Variants in KCMF1 observed in about 807,000 individuals in gnomAD.
The protein encoded by KCMF1 is E3 ubiquitin-protein ligase KCMF1.
In KCMF1, 3 loss-of-function variants were observed where a neutral mutation model predicts 41.1. That is an observed-to-expected ratio of 0.07 (90% CI 0.03 to 0.19). The LOEUF (loss-of-function observed/expected upper bound fraction) is 0.19. KCMF1 is among the 10% of genes least tolerant of loss of function. KCMF1 has a pLI of 1.00. For synonymous variants in KCMF1, 142 were observed against 164.5 expected, an observed-to-expected ratio of 0.86 and a Z score of 1.04; for missense variants, 286 against 488.9, an observed-to-expected ratio of 0.58 and a Z score of 3.91.
At chr2:85,007,080 A>G (rs1415344442) in intron 1 of KCMF1, among the ~76,000 whole-genome samples, 1 of 150,510 alleles carries the variant, frequency 6.6e-6, no homozygotes, top group African/African-American at 2.5e-5. Flanking sequence ...CAGCCTGGGC[A>G]ACAAGAGCAA....
In KCMF1 at chr2:85,005,220, T is replaced by G. The variant is rs141868258; in HGVS notation, c.17-22669T>G. Among the ~76,000 whole-genome samples the G allele has an allele frequency of 2.3e-4, 35 of 151,896 alleles. No individual in the cohort carries two copies. In the East Asian group the frequency reaches 6.4e-3, roughly 28 times the overall value. On this transcript the variant is annotated intron_variant, in intron 1 of 6. Transcript: ENST00000409785. ...CCGTGCCTGGCCTAAATTTTTATTT[T>G]TAATTGACACATCATAATTATACGT...
rs544232564 is a variant in KCMF1 at position 85,010,365 on chromosome 2, T to C, written c.17-17524T>C. On this transcript the variant is annotated intron_variant, in intron 1 of 6. Transcript: ENST00000409785. ...ACACCTGTAACCCTAGCTACTTGGG[T>C]GGCTGAGGCATGAGAATTGCTTGAA... Among the ~76,000 whole-genome samples the C allele has an allele frequency of 2.2e-3, 338 of 152,208 alleles. 2 individuals carry two copies. The highest frequency in any genetic ancestry group is 7.9e-3 in the African/African-American group (327 of 41,532).
intron 1 of KCMF1, among the ~76,000 whole-genome samples, chr2:84,972,496 T>C (rs1443685614): frequency 6.6e-6 from 1 of 152,162 alleles, no homozygotes; most frequent in African/African-American, 2.4e-5. Context: ...GGATAAAAAG[T>C]GTTAAGAGTC....
chr2:85,053,388 G>A lies in KCMF1; in HGVS notation c.1125G>A (p.Glu375=). The change falls in exon 7 of 7, where the codon GAG becomes GAA. Residue 375 remains glutamate (E), a synonymous_variant. Coordinates refer to ENST00000409785, the MANE Select transcript of KCMF1 (RefSeq NM_020122.5). ...LNLKESNKGN[E]PPPPPL The stretch of plus-strand genomic sequence containing the variant: ...TAAAAGAGAGTAATAAAGGAAATGA[G>A]CCTCCACCACCTCCTCTTTGATGAC... 8.1e-6 allele frequency: 13 copies of A among 1,612,644 alleles called. No homozygotes were observed. The highest frequency in any genetic ancestry group is 1.1e-5 in the Non-Finnish European group (13 of 1,179,246).
chr2:85,049,285 G>C, intron 5 of KCMF1, 81 bp from the exon 6 acceptor site: 2 of 1,389,646 alleles, frequency 1.4e-6, no homozygotes, highest in Admixed American at 3.7e-5. Flanking sequence ...TTTTGATGTT[G>C]TTCCAGTAAA....
At chr2:84,997,139 G>A (rs1316501997) in intron 1 of KCMF1, among the ~76,000 whole-genome samples, 2 of 152,184 alleles carry the variant, frequency 1.3e-5, no homozygotes, top group African/African-American at 2.4e-5. Context: ...TATACCTAGC[G>A]TGACAACTAC....
At chr2:85,008,314 T>TATATATAATATATAATATG (rs1674539785) in intron 1 of KCMF1, among the ~76,000 whole-genome samples, 2 of 101,044 alleles carry the variant, frequency 2.0e-5, no homozygotes, top group Non-Finnish European at 3.7e-5. Context: ...TAATATGATA[T>TATATATAATATATAATATG]ATATATCATA....
intron 6 of KCMF1, among the ~76,000 whole-genome samples, chr2:85,051,209 TG>T (rs1675800245): frequency 6.6e-6 from 1 of 152,210 alleles, no homozygotes; most frequent in Non-Finnish European, 1.5e-5. Context: ...GCTGCTTTAA[TG>T]TAAGAAAACC....
intron 1 of KCMF1, among the ~76,000 whole-genome samples, chr2:84,992,183 GGTT>G (rs1674055023): frequency 6.6e-6 from 1 of 152,158 alleles, no homozygotes; most frequent in Non-Finnish European, 1.5e-5. Flanking sequence ...CTCAGAGAAT[GGTT>G]GTTATTAGAT....
rs531505479 is a variant in KCMF1, at chr2:85,004,857, T to A, written c.17-23032T>A. Among the ~76,000 whole-genome samples, 10 of 152,012 alleles carry A rather than the reference T, an allele frequency of 6.6e-5. No individual in the cohort carries two copies. In the South Asian group the frequency reaches 2.1e-3, roughly 32 times the overall value. ...TTTATTTATTTATTTATTTTTGAGATGGAGTTTCACTCTTGTCGCCCAGGC... is the reference window on the plus strand; with the variant it reads ...TTTATTTATTTATTTATTTTTGAGAAGGAGTTTCACTCTTGTCGCCCAGGC... On this transcript the variant is annotated intron_variant, in intron 1 of 6. Transcript: ENST00000409785.
intron 1 of KCMF1, among the ~76,000 whole-genome samples, chr2:84,980,638 T>C (rs1478311253): frequency 6.6e-6 from 1 of 151,942 alleles, no homozygotes; most frequent in Non-Finnish European, 1.5e-5. Context: ...ATTAGCCTCA[T>C]ATCTTTTTTT....
intron 1 of KCMF1, among the ~76,000 whole-genome samples, chr2:85,013,236 G>A (rs773179913): frequency 2.0e-5 from 3 of 152,012 alleles, no homozygotes; most frequent in Non-Finnish European, 4.4e-5. Flanking sequence ...CAAAAATTTT[G>A]GTTGCTAGAA....
intron 6 of KCMF1, among the ~76,000 whole-genome samples, chr2:85,050,244 T>TTA (rs1232776230): frequency 2.0e-5 from 3 of 152,222 alleles, no homozygotes; most frequent in East Asian, 1.9e-4. Flanking sequence ...CACTATATCA[T>TTA]TATATATATA....
At chr2:85,006,295 CTTTTT>C (rs1163405427) in intron 1 of KCMF1, among the ~76,000 whole-genome samples, 17 of 94,210 alleles carry the variant, frequency 1.8e-4, no homozygotes, top group African/African-American at 7.7e-4. Context: ...TTCTCATTTT[CTTTTT>C]TTTTTTTTTT....
At chr2:84,994,463 G>T (rs1674130039) in intron 1 of KCMF1, among the ~76,000 whole-genome samples, 1 of 151,990 alleles carries the variant, frequency 6.6e-6, no homozygotes, top group South Asian at 2.1e-4. Flanking sequence ...GAGTGCAATG[G>T]CGTGATCTCA....
chr2:85,020,816 G>T (rs559159758), intron 1 of KCMF1, among the ~76,000 whole-genome samples: 1 of 151,962 alleles, frequency 6.6e-6, no homozygotes, highest in South Asian at 2.1e-4. Context: ...CTTTGCCCAC[G>T]CTGTCCTTCA....
At chr2:85,007,018 T>C (rs926250537) in intron 1 of KCMF1, among the ~76,000 whole-genome samples, 2 of 150,924 alleles carry the variant, frequency 1.3e-5, no homozygotes, top group Non-Finnish European at 2.9e-5. Context: ...GGAGAATCGC[T>C]TGGACCCGGG....
chr2:84,976,830 A>G (rs565189602), intron 1 of KCMF1, among the ~76,000 whole-genome samples: 2 of 152,202 alleles, frequency 1.3e-5, no homozygotes, highest in African/African-American at 4.8e-5. Context: ...AAGACTACGT[A>G]GGCCATTAAT....
chr2:85,030,351 G>A (rs574853694), intron 2 of KCMF1, among the ~76,000 whole-genome samples: 3 of 151,846 alleles, frequency 2.0e-5, no homozygotes, highest in African/African-American at 4.8e-5. Flanking sequence ...ATAATGTCCC[G>A]TTTATGTATT....
Sources: gnomAD v4.1 joint callset for allele counts (sites outside exome capture counted in the v4.1 genomes callset) on GRCh38, gnomAD v4.1.1 for gene constraint, MANE v1.5 for transcripts, NCBI Gene and HGNC (gene_info 2026-07-23, HGNC 2026-07-21) for gene names.